The following GPC6 variants were observed in gnomAD, a reference collection of about 807,000 sequenced individuals.
GPC6 encodes the protein glypican-6.
A neutral mutation model predicts 55.2 loss-of-function variants in GPC6; 14 were observed. That is an observed-to-expected ratio of 0.25 (90% CI 0.17 to 0.40). The LOEUF (loss-of-function observed/expected upper bound fraction) is 0.40, where lower values mean the gene tolerates loss of function less well. Ranked by LOEUF, GPC6 falls within the 10% of genes least tolerant of loss-of-function variation. The pLI is 1.00. For missense variants in GPC6, 641 were observed against 708.5 expected (o/e 0.90, Z 1.08); for synonymous variants, 278 against 259.6 (o/e 1.07, Z -0.68).
intron 4 of GPC6, among the ~76,000 whole-genome samples, chr13:94,068,324 G>A (rs997076920): frequency 1.8e-4 from 27 of 152,202 alleles, no homozygotes; most frequent in East Asian, 9.7e-4. Flanking sequence ...GGAAAAACCC[G>A]CCTCCATGAT....
chr13:94,009,284 G>C (rs1281939871), intron 3 of GPC6, among the ~76,000 whole-genome samples: 1 of 152,272 alleles, frequency 6.6e-6, no homozygotes, highest in South Asian at 2.1e-4. Context: ...AAGGAATGTT[G>C]TTATAGGAAA....
At chr13:94,068,896 G>A (rs1884630218) in intron 4 of GPC6, among the ~76,000 whole-genome samples, 1 of 152,158 alleles carries the variant, frequency 6.6e-6, no homozygotes, top group African/African-American at 2.4e-5. Flanking sequence ...AGCATTGACT[G>A]CCTACAGCTT....
intron 4 of GPC6, among the ~76,000 whole-genome samples, chr13:94,169,426 C>T (rs1004245426): frequency 6.6e-6 from 1 of 151,770 alleles, no homozygotes; most frequent in Admixed American, 6.6e-5. Flanking sequence ...TTTAGAATGC[C>T]GAAAGATATA....
intron 6 of GPC6, among the ~76,000 whole-genome samples, chr13:94,310,694 A>G (rs1876199884): frequency 6.6e-6 from 1 of 152,030 alleles, no homozygotes; most frequent in African/African-American, 2.4e-5. Context: ...AATACTGCAC[A>G]TAGCCAACTT....
chr13:93,445,337 A>C (rs749493432), intron 1 of GPC6, among the ~76,000 whole-genome samples: 1 of 152,230 alleles, frequency 6.6e-6, no homozygotes, highest in African/African-American at 2.4e-5. Context: ...GATGAAGAGC[A>C]TATCCTACTT....
intron 4 of GPC6, among the ~76,000 whole-genome samples, chr13:94,246,761 G>C (rs967181888): frequency 2.6e-5 from 4 of 151,948 alleles, no homozygotes; most frequent in Non-Finnish European, 4.4e-5. Flanking sequence ...CATTACTATA[G>C]CTTTGTAATA....
chr13:94,296,438 GA>G (rs1267174418), intron 5 of GPC6, among the ~76,000 whole-genome samples: 1 of 152,122 alleles, frequency 6.6e-6, no homozygotes, highest in African/African-American at 2.4e-5. Context: ...CTGGTCTCCT[GA>G]AAAAAAGTCT....
At chr13:93,579,267 A>G (rs1876819146) in intron 2 of GPC6, among the ~76,000 whole-genome samples, 2 of 152,294 alleles carry the variant, frequency 1.3e-5, no homozygotes, top group South Asian at 4.1e-4. Flanking sequence ...TAGCATAGAG[A>G]AAAGATAAAT....
chr13:93,565,350 G>A (rs1326622092), intron 2 of GPC6, among the ~76,000 whole-genome samples: 1 of 152,196 alleles, frequency 6.6e-6, no homozygotes, highest in Non-Finnish European at 1.5e-5. Context: ...AGAAAGAAAT[G>A]TGTGGGGTCT....
intron 4 of GPC6, among the ~76,000 whole-genome samples, chr13:94,080,571 T>G (rs1007698967): frequency 2.0e-5 from 3 of 152,188 alleles, no homozygotes; most frequent in African/African-American, 7.2e-5. Context: ...CTATAAAAAA[T>G]GTCATAGACT....
At chr13:93,744,803 C>A (rs955516706) in intron 2 of GPC6, among the ~76,000 whole-genome samples, 1 of 151,596 alleles carries the variant, frequency 6.6e-6, no homozygotes, top group Non-Finnish European at 1.5e-5. Flanking sequence ...TGTGGTGGAG[C>A]ATGCTTGTAG....
intron 1 of GPC6, among the ~76,000 whole-genome samples, chr13:93,334,098 T>C (rs1273421407): frequency 1.3e-5 from 2 of 152,164 alleles, no homozygotes; most frequent in Non-Finnish European, 2.9e-5. Context: ...TATTTCTATA[T>C]AGACAACAAA....
At position 93,830,492 on chromosome 13, in the gene GPC6, A is replaced by G. The variant is rs768828251; in HGVS notation, c.658A>G (p.Thr220Ala). 4 of 1,613,600 alleles carry G rather than the reference A, an allele frequency of 2.5e-6. No individual in the cohort carries two copies. Among genetic ancestry groups the G allele is most frequent in the Non-Finnish European group, 3.4e-6 (4 of 1,179,888 alleles). Residue 220 changes from threonine to alanine, a missense_variant, in exon 3 of 9, where the codon ACC becomes GCC. Coordinates refer to ENST00000377047, the MANE Select transcript of GPC6 (RefSeq NM_005708.5). ...QVTRAFIAARTFVQGLTVGRE... is the reference protein window; with the variant it reads ...QVTRAFIAARAFVQGLTVGRE... ...TACCCGCGCCTTCATTGCTGCCAGG[A>G]CCTTTGTCCAGGGGCTGACTGTGGG...
intron 2 of GPC6, among the ~76,000 whole-genome samples, chr13:93,703,930 G>C (rs1227317842): frequency 2.6e-5 from 4 of 151,942 alleles, no homozygotes; most frequent in Non-Finnish European, 4.4e-5. Flanking sequence ...TGGCATGAGA[G>C]CTGGCTTTGT....
intron 1 of GPC6, among the ~76,000 whole-genome samples, chr13:93,273,455 G>A (rs1448758458): frequency 1.3e-5 from 2 of 152,104 alleles, no homozygotes; most frequent in South Asian, 2.1e-4. Flanking sequence ...TCAGGAGATC[G>A]AGACCATTCT....
intron 1 of GPC6, among the ~76,000 whole-genome samples, chr13:93,244,328 C>G (rs971990373): frequency 6.6e-6 from 1 of 152,192 alleles, no homozygotes; most frequent in Admixed American, 6.5e-5. Context: ...AGACTTCCCC[C>G]GCAAGACAGA....
At position 94,275,400 on chromosome 13, in the gene GPC6, T is replaced by C. The variant is rs537827170; in HGVS notation, c.878-10949T>C. On this transcript the variant is annotated intron_variant, in intron 4 of 8. Coordinates refer to ENST00000377047, the MANE Select transcript of GPC6 (RefSeq NM_005708.5). ...TAAGAGAATGAGTTACGTCTACATC[T>C]AGAGGGAGAATATTCCAGGAAGAAG... is the stretch of plus-strand genomic sequence containing the variant. 5.1e-4 allele frequency among the ~76,000 whole-genome samples: 77 copies of C among 152,220 alleles called. 1 individual carries two copies. The South Asian group carries it at 0.016, about 31-fold the overall frequency.
At chr13:93,493,689 A>T (rs9706953) in intron 1 of GPC6, among the ~76,000 whole-genome samples, 11 of 135,764 alleles carry the variant, frequency 8.1e-5, no homozygotes, top group South Asian at 7.9e-4. Flanking sequence ...TACACACTGC[A>T]TTGAATGCGT....
At chr13:93,510,293 C>T (rs1302859772) in intron 1 of GPC6, among the ~76,000 whole-genome samples, 1 of 151,898 alleles carries the variant, frequency 6.6e-6, no homozygotes, top group Admixed American at 6.6e-5. Flanking sequence ...ATCCTTCGAC[C>T]CACTTCTCTT....
Sources: allele counts gnomAD v4.1 joint callset (sites outside exome capture counted in the v4.1 genomes callset), GRCh38; gene constraint gnomAD v4.1.1; transcripts MANE v1.5; gene names NCBI Gene and HGNC (gene_info 2026-07-23, HGNC 2026-07-21).